The following CPVL variants were observed in gnomAD, a reference collection of about 807,000 sequenced individuals.
The protein encoded by CPVL is probable serine carboxypeptidase CPVL.
In CPVL, 51 loss-of-function variants were observed where a neutral mutation model predicts 63.7. That is an observed-to-expected ratio of 0.80 (90% CI 0.64 to 1.01). The LOEUF is 1.01. Ranked by LOEUF, CPVL falls within the 50% of genes least tolerant of loss-of-function variation. CPVL has a pLI of 0.00. For missense variants in CPVL, 530 were observed against 573.1 expected, an observed-to-expected ratio of 0.92 and a Z score of 0.77; for synonymous variants, 195 against 206.0, an observed-to-expected ratio of 0.95 and a Z score of 0.46.
intron 12 of CPVL, among the ~76,000 whole-genome samples, chr7:28,996,586 G>A (rs1784094958): frequency 6.7e-6 from 1 of 149,252 alleles, no homozygotes; most frequent in African/African-American, 2.4e-5. Context: ...CTTGACACTT[G>A]AAATGAAAGA....
intron 11 of CPVL, among the ~76,000 whole-genome samples, chr7:29,057,123 T>A (rs190425451): frequency 2.0e-5 from 3 of 151,916 alleles, no homozygotes; most frequent in African/African-American, 4.8e-5. Flanking sequence ...GCTAATAAAT[T>A]AATTAATTAT....
upstream of CPVL, among the ~76,000 whole-genome samples, chr7:29,150,552 T>C (rs1160657235): frequency 1.3e-5 from 2 of 152,232 alleles, no homozygotes; most frequent in African/African-American, 4.8e-5. Flanking sequence ...ACACAGAGAA[T>C]AGATCATTTA....
At chr7:29,148,048 A>G (rs1368238522), upstream of CPVL, among the ~76,000 whole-genome samples, 5 of 152,202 alleles carry the variant, frequency 3.3e-5, no homozygotes. Context: ...GCTGTCCCCC[A>G]GCCACCTCTT....
chr7:29,147,197 T>A, upstream of CPVL: 1 of 543,318 alleles, frequency 1.8e-6, no homozygotes, highest in Non-Finnish European at 3.2e-6. Context: ...GAGCAAGAAC[T>A]AAAAAAGGCA....
At chr7:29,071,948 A>C in intron 8 of CPVL, 44 bp from the exon 9 acceptor site, 2 of 1,609,722 alleles carry the variant, frequency 1.2e-6, no homozygotes, top group Non-Finnish European at 1.7e-6. Context: ...AAGGGAGAGA[A>C]AGAGACCTTA....
At chr7:29,155,431 G>A (rs1794225830) in intron 5 of CPVL, among the ~76,000 whole-genome samples, 1 of 152,132 alleles carries the variant, frequency 6.6e-6, no homozygotes, top group African/African-American at 2.4e-5. Flanking sequence ...CACACATGAG[G>A]TCATTCAGCC....
At chr7:29,101,851 G>T (rs957528865) in intron 3 of CPVL, among the ~76,000 whole-genome samples, 11 of 151,100 alleles carry the variant, frequency 7.3e-5, no homozygotes, top group Middle Eastern at 3.4e-3. Context: ...ACATACACAC[G>T]TTTTTTTTCC....
upstream of CPVL, among the ~76,000 whole-genome samples, chr7:29,149,434 T>C (rs1203256088): frequency 2.0e-5 from 3 of 152,050 alleles, no homozygotes; most frequent in Non-Finnish European, 2.9e-5. Flanking sequence ...CCGCAAGTTA[T>C]CCACCTGCCT....
At chr7:29,114,263 G>C (rs541774622) in intron 2 of CPVL, among the ~76,000 whole-genome samples, 1 of 152,226 alleles carries the variant, frequency 6.6e-6, no homozygotes, top group East Asian at 1.9e-4. Context: ...AGAATACCAG[G>C]GCTTTACATG....
At chr7:29,030,787 T>C (rs773645262) in intron 11 of CPVL, 28 bp from the exon 12 acceptor site, 14 of 1,580,056 alleles carry the variant, frequency 8.9e-6, no homozygotes, top group African/African-American at 2.7e-5. Context: ...CATCAGCAAA[T>C]GCAAGATTCA....
chr7:29,003,607 T>C (rs1784880015), intron 12 of CPVL, among the ~76,000 whole-genome samples: 1 of 152,170 alleles, frequency 6.6e-6, no homozygotes, highest in Non-Finnish European at 1.5e-5. Flanking sequence ...CTTCTGGAGT[T>C]TGAACTATGT....
intron 12 of CPVL, chr7:29,012,346 A>G (rs1033249484): frequency 3.3e-5 from 5 of 152,228 alleles, no homozygotes; most frequent in Non-Finnish European, 7.3e-5. Flanking sequence ...ACACACTACT[A>G]TCTAAGAGCA....
At chr7:29,155,762 G>C (rs536934225) in intron 5 of CPVL, among the ~76,000 whole-genome samples, 109 of 152,314 alleles carry the variant, frequency 7.2e-4, no homozygotes, top group Non-Finnish European at 1.5e-3. Flanking sequence ...GGGTAGGCTG[G>C]CTGGAGGGGT....
chr7:29,149,189 C>CTTTTTTTTTTTTTTTTTTTTT (rs60520174), upstream of CPVL, among the ~76,000 whole-genome samples: 1 of 100,340 alleles, frequency 1.0e-5, no homozygotes. Flanking sequence ...GTCTGTTTCC[C>CTTTTTTTTTTTTTTTTTTTTT]TTTTTTTTTT....
At chr7:29,012,320 T>C (rs1158850052) in intron 12 of CPVL, 1 of 152,178 alleles carries the variant, frequency 6.6e-6, no homozygotes, top group East Asian at 1.9e-4. Flanking sequence ...TTTTTCTTTG[T>C]TGAAAGGCAA....
intron 1 of CPVL, chr7:29,192,878 G>C (rs1783072397): frequency 6.6e-6 from 1 of 152,164 alleles, no homozygotes; most frequent in African/African-American, 2.4e-5. Flanking sequence ...CTAAAGATCT[G>C]GGGGGCTACA....
At chr7:29,118,413 G>C (rs920370975) in intron 2 of CPVL, among the ~76,000 whole-genome samples, 2 of 152,180 alleles carry the variant, frequency 1.3e-5, no homozygotes, top group East Asian at 3.8e-4. Flanking sequence ...AGGGTTTAAC[G>C]ACACTTTGCC....
intron 3 of CPVL, among the ~76,000 whole-genome samples, chr7:29,097,520 C>T (rs1422506936): frequency 6.6e-6 from 1 of 152,244 alleles, no homozygotes; most frequent in East Asian, 1.9e-4. Context: ...CATGGCAAAA[C>T]CCCATCTCCA....
chr7:29,189,331 A>G (rs2128752337), intron 1 of CPVL, among the ~76,000 whole-genome samples: 1 of 152,294 alleles, frequency 6.6e-6, no homozygotes, highest in African/African-American at 2.4e-5. Context: ...TGACTGAGTG[A>G]ATTAATGAAT....
Sources: allele counts gnomAD v4.1 joint callset (sites outside exome capture counted in the v4.1 genomes callset), GRCh38; gene constraint gnomAD v4.1.1; transcripts MANE v1.5; gene names NCBI Gene and HGNC (gene_info 2026-07-23, HGNC 2026-07-21).